Variants in IGBP1C observed in about 807,000 individuals in gnomAD.
The protein encoded by IGBP1C is IGBP1 family member C.
chr17:58,666,057 A>T, the IGBP1C span, among the ~76,000 whole-genome samples: 1 of 152,074 alleles, frequency 6.6e-6, no homozygotes, highest in African/African-American at 2.4e-5. Flanking sequence ...AAAAAAAAAA[A>T]AAAAAATTGG....
the IGBP1C span, among the ~76,000 whole-genome samples, chr17:58,683,989 C>T: frequency 2.0e-5 from 3 of 151,882 alleles, no homozygotes; most frequent in South Asian, 2.1e-4. Flanking sequence ...TGCTTGAACC[C>T]GAGAGACGGA....
chr17:58,671,579 T>C, the IGBP1C span, among the ~76,000 whole-genome samples: 1 of 152,168 alleles, frequency 6.6e-6, no homozygotes, highest in Non-Finnish European at 1.5e-5. Flanking sequence ...CTTTGTCTCC[T>C]GCCTGTGGTC....
the IGBP1C span, among the ~76,000 whole-genome samples, chr17:58,691,718 C>T: frequency 5.3e-5 from 8 of 150,844 alleles, no homozygotes; most frequent in Non-Finnish European, 1.0e-4. Flanking sequence ...TTACCCCCTG[C>T]TAAATAAGTT....
the IGBP1C span, among the ~76,000 whole-genome samples, chr17:58,691,733 TC>T: frequency 4.0e-5 from 6 of 148,822 alleles, no homozygotes; most frequent in Admixed American, 3.3e-4. Flanking sequence ...TAAGTTACAC[TC>T]ACCTAGGCAA....
chr17:58,672,020 G>C, the IGBP1C span, among the ~76,000 whole-genome samples: 1 of 152,054 alleles, frequency 6.6e-6, no homozygotes, highest in African/African-American at 2.4e-5. Flanking sequence ...CGGATAACAG[G>C]GGGTGGGTGG....
the IGBP1C span, among the ~76,000 whole-genome samples, chr17:58,686,054 A>G: frequency 6.7e-6 from 1 of 148,374 alleles, no homozygotes; most frequent in African/African-American, 2.5e-5. Context: ...AATGTACTGT[A>G]AAAAGATCAT....
the IGBP1C span, among the ~76,000 whole-genome samples, chr17:58,686,447 T>C: frequency 6.4e-4 from 98 of 152,018 alleles, no homozygotes; most frequent in African/African-American, 2.2e-3. Flanking sequence ...TTAGGCTGAG[T>C]TGGAGGAGAC....
the IGBP1C span, among the ~76,000 whole-genome samples, chr17:58,682,414 T>C: frequency 6.6e-6 from 1 of 152,024 alleles, no homozygotes; most frequent in Non-Finnish European, 1.5e-5. Flanking sequence ...CATGCCACCA[T>C]GCCCGGCTAG....
At chr17:58,686,585 A>G in the IGBP1C span, among the ~76,000 whole-genome samples, 1 of 152,196 alleles carries the variant, frequency 6.6e-6, no homozygotes, top group Non-Finnish European at 1.5e-5. Flanking sequence ...CAAACAGAAA[A>G]GCCAAATATG....
At chr17:58,683,766 A>G in the IGBP1C span, among the ~76,000 whole-genome samples, 1 of 135,814 alleles carries the variant, frequency 7.4e-6, no homozygotes, top group South Asian at 2.4e-4. Flanking sequence ...CCAGCTCAAA[A>G]AAAAAAAAAG....
the IGBP1C span, among the ~76,000 whole-genome samples, chr17:58,681,244 A>T: frequency 2.0e-5 from 3 of 152,140 alleles, no homozygotes; most frequent in Non-Finnish European, 4.4e-5. Flanking sequence ...GAGCAACAAG[A>T]TCGAAACTCC....
chr17:58,681,165 G>C, the IGBP1C span, among the ~76,000 whole-genome samples: 1 of 152,180 alleles, frequency 6.6e-6, no homozygotes, highest in African/African-American at 2.4e-5. Context: ...GTACTCGGGA[G>C]GCTGAGACAG....
At chr17:58,683,374 C>G in the IGBP1C span, among the ~76,000 whole-genome samples, 41 of 148,650 alleles carry the variant, frequency 2.8e-4, no homozygotes, top group South Asian at 3.2e-3. Context: ...CTCCATCCCC[C>G]CCCCCAAAAA....
At chr17:58,685,199 C>T in the IGBP1C span, among the ~76,000 whole-genome samples, 2 of 147,530 alleles carry the variant, frequency 1.4e-5, no homozygotes, top group Non-Finnish European at 3.0e-5. Context: ...GTTGGGAGGC[C>T]GAGGTGGGTG....
chr17:58,691,604 T>C, the IGBP1C span, among the ~76,000 whole-genome samples: 4 of 147,726 alleles, frequency 2.7e-5, no homozygotes, highest in African/African-American at 7.5e-5. Flanking sequence ...GAGGCGAAGG[T>C]TGCAGTGAGC....
the IGBP1C span, among the ~76,000 whole-genome samples, chr17:58,686,950 A>G: frequency 7.6e-6 from 1 of 132,370 alleles, no homozygotes. Context: ...CTCAGCTCAC[A>G]GCAACCTCCA....
chr17:58,666,527 C>T, the IGBP1C span: 2 of 135,644 alleles, frequency 1.5e-5, no homozygotes, highest in Non-Finnish European at 3.1e-5. Context: ...TGCATTTCAA[C>T]TACCACAACC....
At chr17:58,669,611 G>A in the IGBP1C span, among the ~76,000 whole-genome samples, 6 of 147,126 alleles carry the variant, frequency 4.1e-5, 1 homozygote, top group South Asian at 1.3e-3. Context: ...GCGCATGCCT[G>A]TAATCCCAGC....
the IGBP1C span, among the ~76,000 whole-genome samples, chr17:58,687,249 C>G: frequency 1.3e-5 from 2 of 152,146 alleles, no homozygotes; most frequent in South Asian, 2.1e-4. Context: ...ACTCTGGACT[C>G]AGCAGCTGAC....
Sources: gnomAD v4.1 joint callset for allele counts (sites outside exome capture counted in the v4.1 genomes callset) on GRCh38, gnomAD v4.1.1 for gene constraint, MANE v1.5 for transcripts, NCBI Gene and HGNC (gene_info 2026-07-23, HGNC 2026-07-21) for gene names.